Variants in SIRPB1 observed in about 807,000 individuals in gnomAD.
SIRPB1 encodes the protein signal regulatory protein beta 1.
In SIRPB1, 28 loss-of-function variants were observed where a neutral mutation model predicts 34.1. The ratio of observed to expected loss-of-function variants is 0.82; its 90% CI spans 0.61 to 1.12. The LOEUF (loss-of-function observed/expected upper bound fraction) is 1.12, where lower values mean the gene tolerates loss of function less well. Ranked by LOEUF, SIRPB1 falls within the 50% of genes most tolerant of loss-of-function variation. SIRPB1 has a pLI of 0.00. For synonymous variants in SIRPB1, 211 were observed against 203.8 expected (o/e 1.04, Z -0.30); for missense variants, 499 against 507.0 (o/e 0.98, Z 0.15).
At chr20:1,615,745 G>A (rs551127414) in intron 1 of SIRPB1, among the ~76,000 whole-genome samples, 20 of 152,282 alleles carry the variant, frequency 1.3e-4, no homozygotes, top group African/African-American at 4.3e-4. Flanking sequence ...CTCATTTGAT[G>A]CAAAACAGCA....
chr20:1,570,899 A>G lies in SIRPB1; in HGVS notation c.990T>C (p.Cys330=). 2 of 1,614,104 alleles carry G rather than the reference A, an allele frequency of 1.2e-6. No individual in the cohort carries two copies. The highest frequency in any genetic ancestry group is 1.7e-6 in the Non-Finnish European group (2 of 1,179,966). ...CTTGCTGCCCATCATGCTCCACCTG[A>G]CAGGTGAGCACCACATCGTCCCTGT... ...CAHRDDVVLT[C]QVEHDGQQAV... Residue 330 remains cysteine (C), a synonymous_variant, in exon 4 of 6, where the codon TGT becomes TGC. Transcript: ENST00000381605.
At chr20:1,616,963 C>T (rs577204665) in intron 1 of SIRPB1, among the ~76,000 whole-genome samples, 4 of 152,268 alleles carry the variant, frequency 2.6e-5, no homozygotes, top group Admixed American at 2.6e-4. Context: ...TACTATTCAT[C>T]TGGTAAATGC....
In SIRPB1 at chr20:1,564,382, G is replaced by A. The variant is rs184925039; in HGVS notation, c.*1118C>T. 1 of 152,388 alleles carries A rather than the reference G, an allele frequency of 6.6e-6. No homozygotes were observed. Among genetic ancestry groups the A allele is most frequent in the Admixed American group, 6.5e-5 (1 of 15,302 alleles). The allele number at this position is 152,388 out of a possible 1,614,324, so 9.4% of individuals were successfully genotyped here. A position where few individuals can be genotyped will look rare whatever the true frequency, so the allele number is the denominator to read the frequency against. On this transcript the variant is annotated 3_prime_UTR_variant, in exon 6 of 6. Transcript: ENST00000381605. ...GAAAATAAATAATATTTTATACAAG[G>A]TAGTTTATAGAAGGTGCCTTTAATG...
chr20:1,570,754 C>T, intron 4 of SIRPB1, 51 bp downstream of exon 4: 4 of 1,389,046 alleles, frequency 2.9e-6, no homozygotes, highest in Non-Finnish European at 3.0e-6. Context: ...ATGAATATTG[C>T]TTTTAACATT....
chr20:1,569,699 G>C (rs914611422), intron 4 of SIRPB1, among the ~76,000 whole-genome samples: 1 of 152,224 alleles, frequency 6.6e-6, no homozygotes, highest in African/African-American at 2.4e-5. Flanking sequence ...AGAAAGAATA[G>C]AAGATTGGGC....
At position 1,578,598 on chromosome 20, in the gene SIRPB1, G is replaced by A; in HGVS notation, c.173C>T (p.Ser58Phe). The change falls in exon 2 of 6, where the codon TCC (serine) becomes TTC (phenylalanine). Residue 58 changes from serine to phenylalanine, a missense_variant. Ser to Phe is a radical substitution (Grantham distance 155, BLOSUM62 -2). Coordinates refer to ENST00000381605, the MANE Select transcript of SIRPB1 (RefSeq NM_006065.5). ...CATGATGGGCCCCACAGGGATCAGG[G>A]ACGTCATAGCACAGCGCAGAGTGGC... is the stretch of plus-strand genomic sequence containing the variant. The part of the protein sequence containing the change: ...ESATLRCAMT[S>F]LIPVGPIMWF... The A allele has an allele frequency of 6.3e-7, 1 of 1,584,118 alleles. No homozygotes were observed. Among genetic ancestry groups the A allele is most frequent in the Non-Finnish European group, 8.6e-7 (1 of 1,157,614 alleles).
intron 1 of SIRPB1, chr20:1,611,697 T>C (rs200963975): frequency 0.15 from 101,337 of 660,578 alleles, 33,426 homozygotes; most frequent in East Asian, 0.63. Flanking sequence ...CCTGCAGCTC[T>C]TCCTCGCCAG....
rs1211670702 is a variant in SIRPB1, at chr20:1,571,785, A to G, written c.686T>C (p.Ile229Thr). ...GTCCCCCTGCAAGGTGATGTGGGCT[A>G]TCTCGCAGATGACTTGAGAGTGAAC... Reference protein sequence around the residue: ...GDVHSQVICEIAHITLQGDPL... With the variant: ...GDVHSQVICETAHITLQGDPL... The change falls in exon 3 of 6, where the codon ATA becomes ACA. Residue 229 changes from isoleucine (I) to threonine (T), a missense_variant. Transcript: ENST00000381605. 2.5e-6 allele frequency: 4 copies of G among 1,614,098 alleles called. No homozygotes were observed. Among genetic ancestry groups the G allele is most frequent in the South Asian group, 1.1e-5 (1 of 91,094 alleles).
At chr20:1,611,763 G>T in intron 1 of SIRPB1, 1 of 763,368 alleles carries the variant, frequency 1.3e-6, no homozygotes, top group Non-Finnish European at 1.8e-6. Context: ...GTGATCCTCT[G>T]TGTTTCCTCA....
intron 5 of SIRPB1, among the ~76,000 whole-genome samples, chr20:1,565,780 C>G (rs1187492105): frequency 6.6e-6 from 1 of 151,490 alleles, no homozygotes; most frequent in Non-Finnish European, 1.5e-5. Context: ...ATTCTCAACA[C>G]TACGGTGGGG....
chr20:1,617,822 A>G (rs1395236271), intron 1 of SIRPB1, among the ~76,000 whole-genome samples: 2 of 152,206 alleles, frequency 1.3e-5, no homozygotes, highest in Non-Finnish European at 2.9e-5. Flanking sequence ...TAAAAATAAA[A>G]TATTTTGTTA....
intron 4 of SIRPB1, among the ~76,000 whole-genome samples, chr20:1,568,109 T>C (rs1478326596): frequency 6.6e-6 from 1 of 152,220 alleles, no homozygotes; most frequent in Non-Finnish European, 1.5e-5. Flanking sequence ...TCAGAGTTAC[T>C]GGGGACAATT....
chr20:1,611,711 C>T (rs754720370), intron 1 of SIRPB1: 2 of 900,130 alleles, frequency 2.2e-6, no homozygotes, highest in Admixed American at 5.1e-5. Flanking sequence ...TCGCCAGCTA[C>T]CCCTGGAAAG....
chr20:1,615,746 C>T (rs2091620258), intron 1 of SIRPB1, among the ~76,000 whole-genome samples: 1 of 152,068 alleles, frequency 6.6e-6, no homozygotes, highest in African/African-American at 2.4e-5. Flanking sequence ...TCATTTGATG[C>T]AAAACAGCAT....
chr20:1,578,228 G>T, intron 2 of SIRPB1, 110 bp downstream of exon 2: 2 of 1,192,518 alleles, frequency 1.7e-6, no homozygotes, highest in South Asian at 1.3e-5. Flanking sequence ...TTCATGAAAG[G>T]GTGGCTGCTC....
chr20:1,563,116 C>T lies in SIRPB1; in HGVS notation c.*2384G>A, dbSNP rs73570832. Among the ~76,000 whole-genome samples, 1,459 of 152,208 alleles carry T rather than the reference C, an allele frequency of 9.6e-3. 28 individuals carry two copies. Among genetic ancestry groups the T allele is most frequent in the African/African-American group, 0.034 (1,422 of 41,528 alleles). On this transcript the variant is annotated 3_prime_UTR_variant, in exon 6 of 6. Coordinates refer to ENST00000381605, the MANE Select transcript of SIRPB1 (RefSeq NM_006065.5). ...CATGAAAGGATCTTCTGGAGTGATT[C>T]CACAATATTGAAAATTCAAGGGATA...
At position 1,564,730 on chromosome 20, in the gene SIRPB1, G is replaced by C. The variant is rs1025289910; in HGVS notation, c.*770C>G. On this transcript the variant is annotated 3_prime_UTR_variant, in exon 6 of 6. Transcript: ENST00000381605. Reference sequence around the variant, plus strand: ...GGCAGTGTGAAATTGGTCAGGTTGGGAGTTATTACACTAGAGAAATTGGCA... The same window carrying C: ...GGCAGTGTGAAATTGGTCAGGTTGGCAGTTATTACACTAGAGAAATTGGCA... 1 of 394,684 alleles carries C rather than the reference G, an allele frequency of 2.5e-6. No homozygotes were observed. The highest frequency in any genetic ancestry group is 4.5e-6 in the Non-Finnish European group (1 of 224,206). 24.4% of individuals were successfully genotyped at this position (394,684 alleles called of 1,614,324 possible). A position where few individuals can be genotyped will look rare whatever the true frequency, so the allele number is the denominator to read the frequency against.
Position 1,579,317 on chromosome 20 carries a change from G to A in SIRPB1, c.77-623C>T, listed in dbSNP as rs1166310547. ...TGAGTAGAACTATTGAGCCCTCCTC[G>A]GAAGTGCCATGTTTTGCCAATTATG... is the stretch of plus-strand genomic sequence containing the variant. On this transcript the variant is annotated intron_variant, in intron 1 of 5. Coordinates refer to ENST00000381605, the MANE Select transcript of SIRPB1 (RefSeq NM_006065.5). Among the ~76,000 whole-genome samples, 11 of 148,150 alleles carry A rather than the reference G, an allele frequency of 7.4e-5. 1 individual carries two copies. Among genetic ancestry groups the A allele is most frequent in the Admixed American group, 2.0e-4 (3 of 14,972 alleles).
Position 1,564,795 on chromosome 20 carries a change from G to T in SIRPB1, c.*705C>A. 1 of 397,776 alleles carries T rather than the reference G, an allele frequency of 2.5e-6. No homozygotes were observed. The highest frequency in any genetic ancestry group is 4.4e-6 in the Non-Finnish European group (1 of 225,924). The allele number at this position is 397,776 out of a possible 1,614,324, so 24.6% of individuals were successfully genotyped here. On this transcript the variant is annotated 3_prime_UTR_variant, in exon 6 of 6. Coordinates refer to ENST00000381605, the MANE Select transcript of SIRPB1 (RefSeq NM_006065.5). ...GCTTTTGGTTTTTCCCTTTCAGAAA[G>T]TCCATTGTTAAACATTTACCATCTC...
Sources: allele counts gnomAD v4.1 joint callset (sites outside exome capture counted in the v4.1 genomes callset), GRCh38; gene constraint gnomAD v4.1.1; transcripts MANE v1.5; gene names NCBI Gene and HGNC (gene_info 2026-07-23, HGNC 2026-07-21).